Variants in PRKAG2 observed in about 807,000 individuals in gnomAD.
PRKAG2 encodes the protein 5'-AMP-activated protein kinase subunit gamma-2.
Under a neutral mutation model 69.6 loss-of-function variants are expected in PRKAG2, and 26 were observed. That is an observed-to-expected ratio of 0.37 (90% CI 0.27 to 0.52). The LOEUF is 0.52. PRKAG2 is among the 20% of genes least tolerant of loss of function. The probability of loss-of-function intolerance (pLI) is 0.90; values close to 1 mark genes in which losing one functional copy is unlikely to be tolerated. For synonymous variants in PRKAG2, 293 were observed against 285.0 expected, an observed-to-expected ratio of 1.03 and a Z score of -0.28; for missense variants, 557 against 740.0, an observed-to-expected ratio of 0.75 and a Z score of 2.87.
intron 8 of PRKAG2, among the ~76,000 whole-genome samples, chr7:151,574,369 G>A (rs1808397672): frequency 6.6e-6 from 1 of 152,310 alleles, no homozygotes; most frequent in East Asian, 1.9e-4. Flanking sequence ...CATTGTACTA[G>A]GGACCAGAGA....
intron 5 of PRKAG2, among the ~76,000 whole-genome samples, chr7:151,622,974 A>G (rs1365517808): frequency 6.6e-6 from 1 of 151,998 alleles, no homozygotes; most frequent in Admixed American, 6.6e-5. Context: ...TTTGGGAGGG[A>G]CCAGTTTCAT....
intron 1 of PRKAG2, among the ~76,000 whole-genome samples, chr7:151,819,651 A>AC (rs1180081177): frequency 6.6e-6 from 1 of 152,150 alleles, no homozygotes; most frequent in African/African-American, 2.4e-5. Flanking sequence ...ACAAAAACAA[A>AC]CCAACCCCCG....
At chr7:151,627,359 C>G (rs1356088715) in intron 5 of PRKAG2, among the ~76,000 whole-genome samples, 1 of 152,186 alleles carries the variant, frequency 6.6e-6, no homozygotes, top group Non-Finnish European at 1.5e-5. Flanking sequence ...GGTGCAGTGG[C>G]TCACACCTAT....
chr7:151,571,150 C>A (rs999590595), intron 9 of PRKAG2, among the ~76,000 whole-genome samples: 1 of 151,366 alleles, frequency 6.6e-6, no homozygotes, highest in Non-Finnish European at 1.5e-5. Flanking sequence ...TGGCTCACTG[C>A]AACCTCTGCC....
chr7:151,557,036 TA>T lies in PRKAG2; in HGVS notation c.*164del. The T allele has an allele frequency of 1.7e-6, 2 of 1,190,040 alleles. No individual in the cohort carries two copies. Among genetic ancestry groups the T allele is most frequent in the Non-Finnish European group, 2.4e-6 (2 of 826,994 alleles). The allele number at this position is 1,190,040 out of a possible 1,614,324, so 73.7% of individuals were successfully genotyped here. On this transcript the variant is annotated 3_prime_UTR_variant, in exon 16 of 16. Coordinates refer to ENST00000287878, the MANE Select transcript of PRKAG2 (RefSeq NM_016203.4). The stretch of plus-strand genomic sequence containing the variant: ...ATGCAAGCCTGAATCTTCAAGCACA[TA>T]AAATCTTTCTTTTTTAAGCTTAATT...
At chr7:151,576,566 T>C in intron 6 of PRKAG2, 114 bp from the exon 7 acceptor site, 1 of 917,290 alleles carries the variant, frequency 1.1e-6, no homozygotes, top group Non-Finnish European at 1.7e-6. Flanking sequence ...AGTGGCACCA[T>C]CTTGGCTCAC....
At chr7:151,612,921 T>C (rs1585222784) in intron 5 of PRKAG2, among the ~76,000 whole-genome samples, 1 of 152,156 alleles carries the variant, frequency 6.6e-6, no homozygotes, top group African/African-American at 2.4e-5. Flanking sequence ...TCCAGCCAGG[T>C]AGCGGCAGCC....
At chr7:151,576,508 C>T in intron 6 of PRKAG2, 56 bp from the exon 7 acceptor site, 1 of 1,264,760 alleles carries the variant, frequency 7.9e-7, no homozygotes, top group Non-Finnish European at 1.1e-6. Context: ...AGAAAAATAC[C>T]TTTTTTTTTT....
intron 3 of PRKAG2, among the ~76,000 whole-genome samples, chr7:151,722,200 T>C (rs1227113999): frequency 6.6e-6 from 1 of 151,836 alleles, no homozygotes; most frequent in Non-Finnish European, 1.5e-5. Context: ...AGGTGTAGAC[T>C]CAGATGTGAC....
chr7:151,584,672 G>A (rs1286229802), intron 6 of PRKAG2, among the ~76,000 whole-genome samples: 1 of 152,224 alleles, frequency 6.6e-6, no homozygotes, highest in African/African-American at 2.4e-5. Flanking sequence ...GCAGCGCTGA[G>A]GATCGCTTGA....
intron 3 of PRKAG2, among the ~76,000 whole-genome samples, chr7:151,764,179 A>G (rs2075601402): frequency 6.6e-6 from 1 of 152,192 alleles, no homozygotes; most frequent in South Asian, 2.1e-4. Context: ...TAGCAAGGGA[A>G]TGACATAATA....
chr7:151,694,191 T>A (rs181176050), intron 3 of PRKAG2, among the ~76,000 whole-genome samples: 100 of 152,368 alleles, frequency 6.6e-4, no homozygotes, highest in African/African-American at 2.3e-3. Flanking sequence ...CTGTTCTTTA[T>A]AAGCCACCCA....
At chr7:151,740,742 C>A (rs1259761661) in intron 3 of PRKAG2, among the ~76,000 whole-genome samples, 1 of 152,174 alleles carries the variant, frequency 6.6e-6, no homozygotes, top group African/African-American at 2.4e-5. Context: ...GAGGAGAAGG[C>A]CCGTGTGGCC....
chr7:151,834,261 A>C (rs780221082), intron 1 of PRKAG2, among the ~76,000 whole-genome samples: 5 of 152,190 alleles, frequency 3.3e-5, no homozygotes, highest in Non-Finnish European at 7.4e-5. Context: ...CCCACTTCTA[A>C]GGGAATGAGA....
intron 5 of PRKAG2, among the ~76,000 whole-genome samples, chr7:151,622,706 A>G (rs1821826061): frequency 6.6e-6 from 1 of 152,210 alleles, no homozygotes; most frequent in South Asian, 2.1e-4. Context: ...TCTCAGGAAC[A>G]GGGATAAGCA....
intron 4 of PRKAG2, among the ~76,000 whole-genome samples, chr7:151,663,304 C>A (rs565341671): frequency 6.6e-6 from 1 of 152,174 alleles, no homozygotes; most frequent in East Asian, 1.9e-4. Context: ...AATTCTATAA[C>A]GCTCTGAAGG....
At chr7:151,846,931 T>C (rs2079445646) in intron 1 of PRKAG2, among the ~76,000 whole-genome samples, 1 of 152,192 alleles carries the variant, frequency 6.6e-6, no homozygotes, top group Non-Finnish European at 1.5e-5. Flanking sequence ...GGATTTGTGT[T>C]TTAATGACAC....
chr7:151,868,012 C>T (rs1018177145), intron 1 of PRKAG2, among the ~76,000 whole-genome samples: 7 of 152,130 alleles, frequency 4.6e-5, no homozygotes, highest in African/African-American at 1.7e-4. Context: ...GGAAAAGACG[C>T]TGGGAGCCTG....
At chr7:151,774,649 A>C (rs1380315608) in intron 3 of PRKAG2, among the ~76,000 whole-genome samples, 1 of 152,090 alleles carries the variant, frequency 6.6e-6, no homozygotes, top group Non-Finnish European at 1.5e-5. Context: ...TCTACTAAAA[A>C]TACAAAAATT....
Sources: gnomAD v4.1 joint callset for allele counts (sites outside exome capture counted in the v4.1 genomes callset) on GRCh38, gnomAD v4.1.1 for gene constraint, MANE v1.5 for transcripts, NCBI Gene and HGNC (gene_info 2026-07-23, HGNC 2026-07-21) for gene names.